RGS6: variants seen among roughly 807,000 people sequenced by gnomAD.
The protein encoded by RGS6 is regulator of G protein signaling 6, also known as regulator of G-protein signaling 6.
Under a neutral mutation model 78.5 loss-of-function variants are expected in RGS6, and 30 were observed. The observed-to-expected ratio is 0.38, with a 90% confidence interval of 0.29 to 0.52. The LOEUF (loss-of-function observed/expected upper bound fraction) is 0.52, where lower values mean the gene tolerates loss of function less well. RGS6 is among the 20% of genes least tolerant of loss of function. RGS6 has a pLI of 0.85. For synonymous variants in RGS6, 206 were observed against 206.0 expected (o/e 1.00, Z 0.00); for missense variants, 495 against 609.7 (o/e 0.81, Z 1.98).
chr14:72,612,319 C>T, the RGS6 span: 1 of 428,766 alleles, frequency 2.3e-6, no homozygotes, highest in Admixed American at 2.6e-5. Context: ...CAGGGACGCC[C>T]TGCCTACCTA....
chr14:72,322,596 A>G (rs2072407919), intron 2 of RGS6, among the ~76,000 whole-genome samples: 1 of 152,108 alleles, frequency 6.6e-6, no homozygotes, highest in African/African-American at 2.4e-5. Context: ...ACAAAAAAGC[A>G]AACTAAGGAC....
intron 2 of RGS6, among the ~76,000 whole-genome samples, chr14:72,107,474 A>C (rs1341205475): frequency 6.6e-6 from 1 of 152,092 alleles, no homozygotes; most frequent in African/African-American, 2.4e-5. Flanking sequence ...CATTTCTCTG[A>C]GAATGCACCC....
chr14:72,296,314 C>CT (rs34924575), intron 2 of RGS6, among the ~76,000 whole-genome samples: 1 of 152,148 alleles, frequency 6.6e-6, no homozygotes, highest in Admixed American at 6.5e-5. Flanking sequence ...TTGTTCAAGG[C>CT]TTTTTGTGGA....
rs188443417 is a variant in RGS6 at position 72,346,444 on chromosome 14, T to A, written c.85-5651T>A. ...CTGATGCTATCTGCCCAACACAGTT[T>A]CTGAAAACATCAGAAACTCCCCAGT... On this transcript the variant is annotated intron_variant, in intron 2 of 17. Transcript: ENST00000553525. 1.7e-4 allele frequency among the ~76,000 whole-genome samples: 26 copies of A among 152,290 alleles called. No individual in the cohort carries two copies. The East Asian group carries it at 4.8e-3, about 28-fold the overall frequency.
intron 3 of RGS6, among the ~76,000 whole-genome samples, chr14:72,374,877 A>C (rs965543357): frequency 6.6e-6 from 1 of 152,232 alleles, no homozygotes; most frequent in African/African-American, 2.4e-5. Flanking sequence ...AGTATGTTGA[A>C]GAAAAGAGGA....
At chr14:71,931,255 C>A (rs2087838325), upstream of RGS6, among the ~76,000 whole-genome samples, 1 of 151,892 alleles carries the variant, frequency 6.6e-6, no homozygotes, top group South Asian at 2.1e-4. Context: ...TTTCCCCCCA[C>A]CCCCCGCCTT....
intron 2 of RGS6, among the ~76,000 whole-genome samples, chr14:72,108,307 T>C (rs888155060): frequency 1.3e-5 from 2 of 152,116 alleles, no homozygotes; most frequent in African/African-American, 4.8e-5. Context: ...CCAGTTTTTA[T>C]TTTTTCTTAC....
upstream of RGS6, among the ~76,000 whole-genome samples, chr14:71,927,824 A>AT (rs1162232923): frequency 2.6e-5 from 4 of 151,132 alleles, no homozygotes; most frequent in African/African-American, 7.3e-5. Context: ...TGCCCGGCTA[A>AT]TTTTTTTGTA....
intron 1 of RGS6, among the ~76,000 whole-genome samples, chr14:71,960,451 G>A (rs1314145288): frequency 1.3e-5 from 2 of 152,188 alleles, no homozygotes; most frequent in African/African-American, 4.8e-5. Context: ...CTTCTGGAAG[G>A]AGGACACTGC....
chr14:72,067,552 A>C (rs1004638962), intron 2 of RGS6, among the ~76,000 whole-genome samples: 4 of 143,032 alleles, frequency 2.8e-5, no homozygotes, highest in African/African-American at 7.6e-5. Context: ...GGCACTTTTT[A>C]ATCACACACA....
chr14:71,937,115 A>G (rs2089582982), intron 1 of RGS6, among the ~76,000 whole-genome samples: 1 of 152,214 alleles, frequency 6.6e-6, no homozygotes, highest in Non-Finnish European at 1.5e-5. Context: ...GCTGTGGAGT[A>G]GTAGACTGAT....
At chr14:72,549,677 C>T (rs1179627564) in intron 17 of RGS6, among the ~76,000 whole-genome samples, 8 of 152,264 alleles carry the variant, frequency 5.3e-5, no homozygotes, top group Non-Finnish European at 2.9e-5. Context: ...GCCTGGTCAA[C>T]GTGGTGAAAC....
At chr14:72,395,684 C>T (rs1003089131) in intron 3 of RGS6, among the ~76,000 whole-genome samples, 2 of 150,952 alleles carry the variant, frequency 1.3e-5, no homozygotes, top group African/African-American at 2.4e-5. Flanking sequence ...CCCTCCCCTT[C>T]CCCCCACCCC....
At chr14:72,280,453 A>G (rs182228207) in intron 2 of RGS6, among the ~76,000 whole-genome samples, 3 of 152,290 alleles carry the variant, frequency 2.0e-5, no homozygotes, top group South Asian at 2.1e-4. Flanking sequence ...ATGCTGGCCA[A>G]TCTGGTCTAG....
the RGS6 span, among the ~76,000 whole-genome samples, chr14:71,919,471 T>C: frequency 2.0e-5 from 3 of 152,154 alleles, no homozygotes; most frequent in African/African-American, 7.2e-5. Context: ...TGTGTGTGTG[T>C]GTGTGTGATG....
intron 2 of RGS6, among the ~76,000 whole-genome samples, chr14:72,162,101 T>C (rs2096860729): frequency 6.6e-6 from 1 of 152,162 alleles, no homozygotes; most frequent in African/African-American, 2.4e-5. Flanking sequence ...ACTTTGACTA[T>C]GACATAGCCA....
intron 2 of RGS6, among the ~76,000 whole-genome samples, chr14:72,206,935 C>T (rs568426662): frequency 6.6e-6 from 1 of 152,214 alleles, no homozygotes; most frequent in South Asian, 2.1e-4. Context: ...GGTTATTCTT[C>T]CTCTTGAGAA....
intron 2 of RGS6, among the ~76,000 whole-genome samples, chr14:72,270,176 C>G (rs1042616101): frequency 6.6e-6 from 1 of 152,154 alleles, no homozygotes; most frequent in Non-Finnish European, 1.5e-5. Context: ...CCCTATGCCA[C>G]GTGCTCCTCT....
At chr14:72,553,107 T>C (rs548443406) in intron 17 of RGS6, among the ~76,000 whole-genome samples, 7 of 152,318 alleles carry the variant, frequency 4.6e-5, no homozygotes, top group East Asian at 1.9e-4. Context: ...CGCCTCTGTG[T>C]TCAGTGTATG....
Sources: gnomAD v4.1 joint callset for allele counts (sites outside exome capture counted in the v4.1 genomes callset) on GRCh38, gnomAD v4.1.1 for gene constraint, MANE v1.5 for transcripts, NCBI Gene and HGNC (gene_info 2026-07-23, HGNC 2026-07-21) for gene names.